RANBP17: variants seen among roughly 807,000 people sequenced by gnomAD.
The protein encoded by RANBP17 is RAN binding protein 17.
A neutral mutation model predicts 141.2 loss-of-function variants in RANBP17; 158 were observed. The ratio of observed to expected loss-of-function variants is 1.12; its 90% confidence interval spans 0.98 to 1.28. RANBP17 has a LOEUF of 1.28. Ranked by LOEUF, RANBP17 falls within the 50% of genes most tolerant of loss-of-function variation. The pLI is 0.00. For missense variants in RANBP17, 1,438 were observed against 1,290.7 expected, an observed-to-expected ratio of 1.11 and a Z score of -1.75; for synonymous variants, 430 against 450.0, an observed-to-expected ratio of 0.96 and a Z score of 0.56.
At chr5:171,102,623 A>T (rs1455008250) in intron 14 of RANBP17, among the ~76,000 whole-genome samples, 1 of 151,848 alleles carries the variant, frequency 6.6e-6, no homozygotes, top group Non-Finnish European at 1.5e-5. Flanking sequence ...TCTCTGTCCA[A>T]TTTAGTTCCT....
At chr5:171,019,832 C>T (rs2127600630) in intron 14 of RANBP17, among the ~76,000 whole-genome samples, 1 of 152,040 alleles carries the variant, frequency 6.6e-6, no homozygotes, top group African/African-American at 2.4e-5. Context: ...GATTAGTTTG[C>T]TCTTTCCTCT....
At chr5:171,092,007 C>T (rs1786327895) in intron 14 of RANBP17, among the ~76,000 whole-genome samples, 1 of 152,148 alleles carries the variant, frequency 6.6e-6, no homozygotes, top group Non-Finnish European at 1.5e-5. Context: ...TGTGAGGGAT[C>T]CTGGAACCAA....
At chr5:171,058,059 T>C (rs1372739673) in intron 14 of RANBP17, among the ~76,000 whole-genome samples, 5 of 152,120 alleles carry the variant, frequency 3.3e-5, no homozygotes, top group Non-Finnish European at 4.4e-5. Flanking sequence ...TGGTTAGATA[T>C]TGACAAATTC....
chr5:171,103,822 GTTCCTCAGGGC>G (rs1018675337), intron 14 of RANBP17, among the ~76,000 whole-genome samples: 4 of 152,166 alleles, frequency 2.6e-5, no homozygotes, highest in African/African-American at 9.7e-5. Flanking sequence ...TCAAGGCACA[GTTCCTCAGGGC>G]TTCCCTTGGC....
chr5:171,050,332 A>G (rs956462333), intron 14 of RANBP17, among the ~76,000 whole-genome samples: 1 of 152,196 alleles, frequency 6.6e-6, no homozygotes, highest in Non-Finnish European at 1.5e-5. Flanking sequence ...ATATTTTACC[A>G]TTTAAAGTAG....
At chr5:170,873,102 G>T (rs1391567215) in intron 1 of RANBP17, among the ~76,000 whole-genome samples, 2 of 152,086 alleles carry the variant, frequency 1.3e-5, no homozygotes, top group Non-Finnish European at 2.9e-5. Context: ...GTAGAGATGG[G>T]GTTTTGCCAC....
chr5:170,905,618 AG>A (rs1771016347), intron 5 of RANBP17, among the ~76,000 whole-genome samples: 1 of 152,112 alleles, frequency 6.6e-6, no homozygotes, highest in Non-Finnish European at 1.5e-5. Flanking sequence ...GTGTGTACAT[AG>A]GTATCTGTTA....
intron 14 of RANBP17, among the ~76,000 whole-genome samples, chr5:171,038,620 C>T (rs1264191830): frequency 6.6e-6 from 1 of 151,892 alleles, no homozygotes; most frequent in Non-Finnish European, 1.5e-5. Flanking sequence ...AGGTATGATC[C>T]TTTGATGCCT....
intron 27 of RANBP17, among the ~76,000 whole-genome samples, chr5:171,297,156 T>G (rs1422763308): frequency 6.6e-6 from 1 of 152,212 alleles, no homozygotes; most frequent in Non-Finnish European, 1.5e-5. Flanking sequence ...GGCTGGTATC[T>G]CAGTTGCCAA....
intron 18 of RANBP17, among the ~76,000 whole-genome samples, chr5:171,188,110 A>G (rs1019538051): frequency 1.3e-5 from 2 of 152,230 alleles, no homozygotes; most frequent in African/African-American, 2.4e-5. Flanking sequence ...GAGACATGCA[A>G]CTAGAATGAT....
intron 21 of RANBP17, among the ~76,000 whole-genome samples, chr5:171,214,543 G>T (rs1329913572): frequency 6.6e-6 from 1 of 152,026 alleles, no homozygotes; most frequent in Non-Finnish European, 1.5e-5. Flanking sequence ...GACAGGGAAG[G>T]GTATGGGTTG....
At chr5:170,880,919 C>G (rs79940457) in intron 2 of RANBP17, among the ~76,000 whole-genome samples, 2,692 of 152,224 alleles carry the variant, frequency 0.018, 70 homozygotes, top group African/African-American at 0.061. Flanking sequence ...GTTTATGATA[C>G]GCTGAGCAGC....
At chr5:171,265,302 A>G (rs1023435894) in intron 24 of RANBP17, among the ~76,000 whole-genome samples, 1 of 152,214 alleles carries the variant, frequency 6.6e-6, no homozygotes, top group African/African-American at 2.4e-5. Flanking sequence ...TGGGAGGCCA[A>G]GGCGGGTGAA....
intron 1 of RANBP17, among the ~76,000 whole-genome samples, chr5:170,874,912 C>T (rs1768055864): frequency 6.6e-6 from 1 of 152,144 alleles, no homozygotes; most frequent in Non-Finnish European, 1.5e-5. Context: ...GATGCAGCTT[C>T]TTCATGGTGT....
chr5:171,169,288 G>C (rs927192525), intron 14 of RANBP17, among the ~76,000 whole-genome samples: 5 of 152,140 alleles, frequency 3.3e-5, no homozygotes, highest in African/African-American at 1.2e-4. Context: ...AATCACAGAA[G>C]AGAAATCCCA....
chr5:171,066,991 T>C (rs245765), intron 14 of RANBP17, among the ~76,000 whole-genome samples: 92,952 of 151,984 alleles, frequency 0.61, 29,793 homozygotes, highest in South Asian at 0.88. Flanking sequence ...GAGTTTAATC[T>C]ATTTACATTA....
At chr5:171,192,033 T>A (rs1343445782) in intron 18 of RANBP17, among the ~76,000 whole-genome samples, 1 of 152,210 alleles carries the variant, frequency 6.6e-6, no homozygotes, top group South Asian at 2.1e-4. Flanking sequence ...ATGTAGTTTT[T>A]AAAATTTGTT....
intron 2 of RANBP17, 104 bp downstream of exon 2, chr5:170,878,347 G>A: frequency 3.0e-6 from 3 of 993,176 alleles, no homozygotes; most frequent in Non-Finnish European, 4.1e-6. Context: ...ATTGCCACAT[G>A]GTTTTTTTGT....
intron 12 of RANBP17, among the ~76,000 whole-genome samples, chr5:170,936,342 C>G (rs1444021529): frequency 1.3e-5 from 2 of 152,202 alleles, no homozygotes; most frequent in Admixed American, 6.5e-5. Context: ...ATGCAGAAAT[C>G]ACCTGTCTTC....
Sources: gnomAD v4.1 joint callset for allele counts (sites outside exome capture counted in the v4.1 genomes callset) on GRCh38, gnomAD v4.1.1 for gene constraint, MANE v1.5 for transcripts, NCBI Gene and HGNC (gene_info 2026-07-23, HGNC 2026-07-21) for gene names.